The following HS6ST3 variants were observed in gnomAD, a reference collection of about 807,000 sequenced individuals.
The protein encoded by HS6ST3 is heparan sulfate 6-O-sulfotransferase 3.
In HS6ST3, 12 loss-of-function variants were observed where a neutral mutation model predicts 36.7. The observed-to-expected ratio is 0.33, with a 90% CI of 0.21 to 0.53. The LOEUF (loss-of-function observed/expected upper bound fraction) is 0.53, where lower values mean the gene tolerates loss of function less well. HS6ST3 is among the 20% of genes least tolerant of loss of function. The probability of loss-of-function intolerance (pLI) is 0.95; values close to 1 mark genes in which losing one functional copy is unlikely to be tolerated. For synonymous variants in HS6ST3, 240 were observed against 257.5 expected (o/e 0.93, Z 0.65); for missense variants, 584 against 640.9 (o/e 0.91, Z 0.96).
At chr13:96,437,657 A>G (rs1433618634) in intron 1 of HS6ST3, among the ~76,000 whole-genome samples, 1 of 152,212 alleles carries the variant, frequency 6.6e-6, no homozygotes, top group South Asian at 2.1e-4. Flanking sequence ...GTTTTCAGAA[A>G]TGAGGGGGAC....
chr13:96,309,595 A>G (rs1009792167), intron 1 of HS6ST3, among the ~76,000 whole-genome samples: 1 of 152,142 alleles, frequency 6.6e-6, no homozygotes, highest in Non-Finnish European at 1.5e-5. Context: ...TTGCATGTGC[A>G]TTTTTCCAGA....
intron 1 of HS6ST3, among the ~76,000 whole-genome samples, chr13:96,618,349 C>T (rs895491275): frequency 1.3e-5 from 2 of 152,168 alleles, no homozygotes; most frequent in African/African-American, 4.8e-5. Flanking sequence ...AATCCTCCAG[C>T]CTTGGCCTCC....
chr13:96,431,784 T>G (rs376767130), intron 1 of HS6ST3, among the ~76,000 whole-genome samples: 1 of 152,214 alleles, frequency 6.6e-6, no homozygotes, highest in South Asian at 2.1e-4. Context: ...TGATGCAACG[T>G]TTGCCTACGA....
intron 1 of HS6ST3, among the ~76,000 whole-genome samples, chr13:96,369,802 C>T (rs2055280909): frequency 6.6e-6 from 1 of 152,124 alleles, no homozygotes; most frequent in South Asian, 2.1e-4. Context: ...GCTTTAAGTA[C>T]TATTCACCTG....
At chr13:96,331,958 T>G (rs1346518494) in intron 1 of HS6ST3, among the ~76,000 whole-genome samples, 3 of 152,196 alleles carry the variant, frequency 2.0e-5, no homozygotes, top group Non-Finnish European at 4.4e-5. Context: ...GTGCCGTCAG[T>G]CACCCCTTTC....
At chr13:96,713,295 G>T (rs1037803186) in intron 1 of HS6ST3, among the ~76,000 whole-genome samples, 7 of 152,174 alleles carry the variant, frequency 4.6e-5, no homozygotes, top group African/African-American at 1.7e-4. Context: ...TGCTTTTGAG[G>T]CTCTTTGGAT....
At chr13:96,751,020 A>G (rs570139875) in intron 1 of HS6ST3, among the ~76,000 whole-genome samples, 13 of 152,288 alleles carry the variant, frequency 8.5e-5, no homozygotes, top group Middle Eastern at 3.4e-3. Flanking sequence ...GCATCTATCT[A>G]TGTTTATTTT....
At chr13:96,235,103 A>G (rs571994959) in intron 1 of HS6ST3, among the ~76,000 whole-genome samples, 7 of 152,154 alleles carry the variant, frequency 4.6e-5, no homozygotes, top group Non-Finnish European at 8.8e-5. Flanking sequence ...TATTAAGACC[A>G]TGTTGTAGAA....
chr13:96,826,027 C>T (rs1566463031), intron 1 of HS6ST3, among the ~76,000 whole-genome samples: 1 of 152,184 alleles, frequency 6.6e-6, no homozygotes, highest in Admixed American at 6.5e-5. Context: ...AATTAAATGA[C>T]TTGCTAATTA....
chr13:96,280,839 C>T (rs1302149414), intron 1 of HS6ST3, among the ~76,000 whole-genome samples: 3 of 152,066 alleles, frequency 2.0e-5, no homozygotes, highest in African/African-American at 7.2e-5. Context: ...GAGAGACAAA[C>T]CACACATACA....
chr13:96,227,074 C>G (rs1177398291), intron 1 of HS6ST3, among the ~76,000 whole-genome samples: 1 of 152,050 alleles, frequency 6.6e-6, no homozygotes, highest in Non-Finnish European at 1.5e-5. Flanking sequence ...TTTGGCCAAT[C>G]TCTTGGGAAA....
chr13:96,211,582 A>C (rs1005658893), intron 1 of HS6ST3, among the ~76,000 whole-genome samples: 6 of 152,244 alleles, frequency 3.9e-5, no homozygotes, highest in African/African-American at 1.2e-4. Context: ...ATATGAGAAT[A>C]TCCAAAGCCT....
At chr13:96,803,329 G>T (rs1482244279) in intron 1 of HS6ST3, among the ~76,000 whole-genome samples, 1 of 152,092 alleles carries the variant, frequency 6.6e-6, no homozygotes, top group Non-Finnish European at 1.5e-5. Flanking sequence ...TAACTAATTA[G>T]CCCATTAACT....
chr13:96,323,692 C>T (rs1317469299), intron 1 of HS6ST3, among the ~76,000 whole-genome samples: 2 of 152,158 alleles, frequency 1.3e-5, no homozygotes, highest in Non-Finnish European at 2.9e-5. Flanking sequence ...GCATCATCTC[C>T]ACTGAAGAAC....
At chr13:96,385,017 T>A (rs2055360591) in intron 1 of HS6ST3, among the ~76,000 whole-genome samples, 1 of 151,734 alleles carries the variant, frequency 6.6e-6, no homozygotes, top group East Asian at 1.9e-4. Context: ...CCATCTCTAC[T>A]AAAAATACAA....
chr13:96,092,675 T>TA (rs34133146), intron 1 of HS6ST3, among the ~76,000 whole-genome samples: 17,523 of 152,272 alleles, frequency 0.12, 1,344 homozygotes, highest in Middle Eastern at 0.21. Context: ...CAGATAGCTT[T>TA]TGCATTTGAC....
intron 1 of HS6ST3, among the ~76,000 whole-genome samples, chr13:96,695,598 GT>G (rs1215273009): frequency 0.045 from 4,668 of 104,572 alleles, 89 homozygotes; most frequent in African/African-American, 0.081. Context: ...ACCCTCAGCT[GT>G]TTTTTTTTTT....
chr13:96,154,275 A>G (rs1466863305), intron 1 of HS6ST3, among the ~76,000 whole-genome samples: 1 of 152,138 alleles, frequency 6.6e-6, no homozygotes, highest in Non-Finnish European at 1.5e-5. Context: ...AGGGAGAGAT[A>G]GGGAATAAGA....
At chr13:96,375,432 G>A (rs903766044) in intron 1 of HS6ST3, among the ~76,000 whole-genome samples, 6 of 152,140 alleles carry the variant, frequency 3.9e-5, no homozygotes, top group African/African-American at 1.2e-4. Context: ...GTATTCCAAT[G>A]CCTAGAAGGG....
Sources: allele counts gnomAD v4.1 joint callset (sites outside exome capture counted in the v4.1 genomes callset), GRCh38; gene constraint gnomAD v4.1.1; transcripts MANE v1.5; gene names NCBI Gene and HGNC (gene_info 2026-07-23, HGNC 2026-07-21).